Variants in CSMD1 observed in about 807,000 individuals in gnomAD.
CSMD1 encodes CUB and Sushi multiple domains 1.
Under a neutral mutation model 417.5 loss-of-function variants are expected in CSMD1, and 213 were observed. The ratio of observed to expected loss-of-function variants is 0.51; its 90% confidence interval spans 0.46 to 0.57. CSMD1 has a LOEUF of 0.57. Ranked by LOEUF, CSMD1 falls within the 20% of genes least tolerant of loss-of-function variation. The pLI, the probability that CSMD1 is intolerant of heterozygous loss-of-function variation, is 0.00. For missense variants in CSMD1, 6,923 were observed against 4,529.7 expected (o/e 1.53, Z -15.17); for synonymous variants, 2,862 against 1,736.8 (o/e 1.65, Z -16.11).
At chr8:3,537,311 C>A (rs1320102779) in intron 10 of CSMD1, among the ~76,000 whole-genome samples, 2 of 152,186 alleles carry the variant, frequency 1.3e-5, no homozygotes, top group Non-Finnish European at 2.9e-5. Flanking sequence ...CCCGCAAACT[C>A]TTGCTTATAT....
chr8:3,684,619 A>G (rs1255389431), intron 7 of CSMD1, among the ~76,000 whole-genome samples: 1 of 131,364 alleles, frequency 7.6e-6, no homozygotes, highest in Admixed American at 8.5e-5. Flanking sequence ...TTTTTTTTAG[A>G]CGGAGTCTCG....
chr8:4,740,010 C>T (rs1056311063), intron 1 of CSMD1, among the ~76,000 whole-genome samples: 1 of 152,102 alleles, frequency 6.6e-6, no homozygotes, highest in Admixed American at 6.6e-5. Flanking sequence ...CCTTTCCCAC[C>T]CTGAGCTTCA....
At chr8:4,058,415 C>T (rs577562696) in intron 3 of CSMD1, among the ~76,000 whole-genome samples, 2 of 152,266 alleles carry the variant, frequency 1.3e-5, no homozygotes, top group East Asian at 1.9e-4. Flanking sequence ...AGATGCTTAT[C>T]AGCTTAAGGA....
rs1036809957 is a variant in CSMD1 at position 3,900,613 on chromosome 8, GACACTAAGTTGGGTA to G, written c.818+97275_818+97289del. On this transcript the variant is annotated intron_variant, in intron 5 of 69. Coordinates refer to ENST00000635120, the MANE Select transcript of CSMD1 (RefSeq NM_033225.6). ...TAGCTGGGTGACAGTGTAGCTGGGTGACACTAAGTTGGGTAACAGTGCAGCTAGATGACACTGTAG... is the reference window on the plus strand; with the variant it reads ...TAGCTGGGTGACAGTGTAGCTGGGTGACAGTGCAGCTAGATGACACTGTAG... Among the ~76,000 whole-genome samples the G allele has an allele frequency of 3.3e-5, 5 of 151,910 alleles. No homozygotes were observed. The South Asian group carries it at 6.3e-4, about 19-fold the overall frequency.
At chr8:4,087,511 C>T (rs1028452254) in intron 3 of CSMD1, among the ~76,000 whole-genome samples, 5 of 152,058 alleles carry the variant, frequency 3.3e-5, no homozygotes, top group African/African-American at 1.2e-4. Context: ...TATTTTTATC[C>T]TCTCTGGTGT....
At chr8:3,486,619 C>A (rs1247887489) in intron 11 of CSMD1, among the ~76,000 whole-genome samples, 3 of 152,250 alleles carry the variant, frequency 2.0e-5, no homozygotes. Context: ...ACTCAGCTGC[C>A]TGGAGCCCAG....
intron 20 of CSMD1, among the ~76,000 whole-genome samples, chr8:3,361,718 T>G (rs1368706563): frequency 6.6e-6 from 1 of 151,426 alleles, no homozygotes; most frequent in East Asian, 1.9e-4. Flanking sequence ...TTGATATTAT[T>G]ATGTGCTATA....
intron 3 of CSMD1, among the ~76,000 whole-genome samples, chr8:4,397,730 AT>A (rs1804352224): frequency 6.6e-6 from 1 of 152,076 alleles, no homozygotes; most frequent in Non-Finnish European, 1.5e-5. Flanking sequence ...GAATCTCAAA[AT>A]ACAAATATGT....
chr8:4,799,416 G>A (rs73179681), intron 1 of CSMD1, among the ~76,000 whole-genome samples: 19,657 of 151,446 alleles, frequency 0.13, 1,646 homozygotes, highest in Non-Finnish European at 0.18. Context: ...GGCCACCATG[G>A]CAAAACCCCC....
intron 5 of CSMD1, among the ~76,000 whole-genome samples, chr8:3,754,982 T>A (rs1002228898): frequency 6.6e-6 from 1 of 152,096 alleles, no homozygotes; most frequent in Non-Finnish European, 1.5e-5. Context: ...ATTTTAAAAA[T>A]AAGATGCAAT....
chr8:3,294,381 T>A (rs1803806341), intron 25 of CSMD1, among the ~76,000 whole-genome samples: 1 of 152,130 alleles, frequency 6.6e-6, no homozygotes, highest in Non-Finnish European at 1.5e-5. Flanking sequence ...TCTGCAGAGG[T>A]TTCTGCTGCC....
At chr8:4,308,764 G>C (rs1172777758) in intron 3 of CSMD1, among the ~76,000 whole-genome samples, 1 of 152,132 alleles carries the variant, frequency 6.6e-6, no homozygotes, top group South Asian at 2.1e-4. Flanking sequence ...TGAGCGTGAT[G>C]ACTAAAGATT....
chr8:4,031,819 A>G, intron 4 of CSMD1, 86 bp downstream of exon 4: 1 of 1,046,748 alleles, frequency 9.6e-7, no homozygotes, highest in Non-Finnish European at 1.3e-6. Context: ...TATTATTTTC[A>G]TTTAAGTGGA....
intron 2 of CSMD1, among the ~76,000 whole-genome samples, chr8:4,535,592 T>C (rs576460237): frequency 2.6e-5 from 4 of 152,180 alleles, no homozygotes; most frequent in African/African-American, 7.2e-5. Context: ...TCATCCAAGA[T>C]AGCATCTCTG....
intron 8 of CSMD1, among the ~76,000 whole-genome samples, chr8:3,602,369 A>G (rs9644343): frequency 0.16 from 23,595 of 152,048 alleles, 2,077 homozygotes; most frequent in East Asian, 0.28. Flanking sequence ...GGCATAGAGG[A>G]AAGCAAAATG....
chr8:3,071,127 C>T (rs1813297624), intron 49 of CSMD1, among the ~76,000 whole-genome samples: 1 of 152,278 alleles, frequency 6.6e-6, no homozygotes, highest in South Asian at 2.1e-4. Flanking sequence ...AAGATAGCAC[C>T]AAGCCATGAA....
intron 27 of CSMD1, among the ~76,000 whole-genome samples, chr8:3,225,658 T>C (rs1364279620): frequency 6.6e-6 from 1 of 152,194 alleles, no homozygotes; most frequent in Non-Finnish European, 1.5e-5. Flanking sequence ...TTCAGGGATA[T>C]GATTCAAATA....
At chr8:3,917,940 A>T (rs1042330408) in intron 5 of CSMD1, among the ~76,000 whole-genome samples, 16 of 152,178 alleles carry the variant, frequency 1.1e-4, no homozygotes, top group African/African-American at 3.9e-4. Flanking sequence ...TTTAAAATCT[A>T]ATTTTAAATG....
Position 3,108,533 on chromosome 8 carries a change from G to A in CSMD1, c.6754+70C>T, listed in dbSNP as rs140929442. 1.6e-4 allele frequency: 237 copies of A among 1,494,214 alleles called. 1 individual carries two copies. Among genetic ancestry groups the A allele is most frequent in the East Asian group, 7.1e-4 (31 of 43,524 alleles). 92.6% of individuals were successfully genotyped at this position (1,494,214 alleles called of 1,614,324 possible). ...AAGAAACTTCAGCTGGAAACAAGGC[G>A]TGGGACAACACTGCAGGAAACACCA... On this transcript the variant is annotated intron_variant, in intron 44 of 69. Transcript: ENST00000635120.
Sources: allele counts gnomAD v4.1 joint callset (sites outside exome capture counted in the v4.1 genomes callset), GRCh38; gene constraint gnomAD v4.1.1; transcripts MANE v1.5; gene names NCBI Gene and HGNC (gene_info 2026-07-23, HGNC 2026-07-21).